The following EPG5 variants were observed in gnomAD, a reference collection of about 807,000 sequenced individuals.
The protein encoded by EPG5 is ectopic P-granules 5 autophagy tethering factor, also known as ectopic P granules protein 5 homolog.
A neutral mutation model predicts 302.7 loss-of-function variants in EPG5; 159 were observed. The observed-to-expected ratio is 0.53, with a 90% CI of 0.46 to 0.60. EPG5 has a LOEUF of 0.60. Among genes scored for constraint, EPG5 ranks in the 20% least tolerant of loss-of-function variants. The pLI, the probability that EPG5 is intolerant of heterozygous loss-of-function variation, is 0.00. For synonymous variants in EPG5, 1,158 were observed against 1,136.8 expected (o/e 1.02, Z -0.37); for missense variants, 2,896 against 3,092.4 (o/e 0.94, Z 1.51).
intron 17 of EPG5, among the ~76,000 whole-genome samples, chr18:45,917,469 A>G (rs1457328859): frequency 6.6e-6 from 1 of 152,254 alleles, no homozygotes; most frequent in Non-Finnish European, 1.5e-5. Flanking sequence ...TGAAAAGGAA[A>G]AATATCTTTC....
chr18:45,820,535 C>T, the EPG5 span, among the ~76,000 whole-genome samples: 1 of 152,114 alleles, frequency 6.6e-6, no homozygotes, highest in Non-Finnish European at 1.5e-5. Flanking sequence ...AGCCTGGATC[C>T]CTGCACCCTC....
At chr18:45,814,876 A>T in the EPG5 span, among the ~76,000 whole-genome samples, 2 of 152,220 alleles carry the variant, frequency 1.3e-5, no homozygotes, top group Non-Finnish European at 2.9e-5. Context: ...ACAAGCCAAT[A>T]TACACCCCCA....
At chr18:45,852,753 T>C in intron 43 of EPG5, 104 bp from the exon 44 acceptor site, 3 of 1,046,830 alleles carry the variant, frequency 2.9e-6, no homozygotes, top group Non-Finnish European at 4.2e-6. Context: ...ACTGTGAGCC[T>C]TGTGGGAAGG....
intron 10 of EPG5, among the ~76,000 whole-genome samples, chr18:45,935,950 A>G (rs1283586472): frequency 6.6e-6 from 1 of 152,078 alleles, no homozygotes; most frequent in Non-Finnish European, 1.5e-5. Context: ...CCTCTGCACT[A>G]TTACAGAACT....
chr18:45,801,095 G>A, the EPG5 span, among the ~76,000 whole-genome samples: 1 of 152,128 alleles, frequency 6.6e-6, no homozygotes, highest in South Asian at 2.1e-4. Context: ...GGAGTGCAGT[G>A]GTACGATCTC....
the EPG5 span, among the ~76,000 whole-genome samples, chr18:45,831,539 A>C: frequency 6.6e-6 from 1 of 152,340 alleles, no homozygotes; most frequent in East Asian, 1.9e-4. Flanking sequence ...GGAGGCTATT[A>C]ATTGCCACTG....
the EPG5 span, among the ~76,000 whole-genome samples, chr18:45,806,530 G>A: frequency 1.3e-5 from 2 of 152,258 alleles, no homozygotes; most frequent in African/African-American, 2.4e-5. Context: ...AACTGTACAA[G>A]TGGGAAAGGG....
chr18:45,959,795 C>T (rs1037815118), intron 1 of EPG5, among the ~76,000 whole-genome samples: 1 of 152,006 alleles, frequency 6.6e-6, no homozygotes, highest in African/African-American at 2.4e-5. Context: ...GCCTGACCAA[C>T]ATGGTGAAGC....
chr18:45,847,964 A>T lies in EPG5; in HGVS notation c.*4503T>A, dbSNP rs193225532. 6.6e-6 allele frequency: 1 copy of T among 152,174 alleles called. No individual in the cohort carries two copies. The highest frequency in any genetic ancestry group is 2.4e-5 in the African/African-American group (1 of 41,198). The allele number at this position is 152,174 out of a possible 1,614,324, so 9.4% of individuals were successfully genotyped here. Reference sequence around the variant, plus strand: ...AACAACATTCCTTCGCAATTTCATTATCCCAAAAGAGGATCAGTAGTATAA... The same window carrying T: ...AACAACATTCCTTCGCAATTTCATTTTCCCAAAAGAGGATCAGTAGTATAA... On this transcript the variant is annotated 3_prime_UTR_variant, in exon 44 of 44. Transcript: ENST00000282041.
intron 1 of EPG5, among the ~76,000 whole-genome samples, chr18:45,962,861 TA>T (rs575682830): frequency 3.3e-5 from 5 of 151,978 alleles, no homozygotes; most frequent in African/African-American, 9.7e-5. Context: ...CAATTGACTC[TA>T]AAAAAAATTA....
rs963727204 is a variant in EPG5 at position 45,907,938 on chromosome 18, A to C, written c.4329+20T>G. On this transcript the variant is annotated intron_variant, in intron 24 of 43. Coordinates refer to ENST00000282041, the MANE Select transcript of EPG5 (RefSeq NM_020964.3). ...GATATGCTAAAAAAAAAAAAAAAAA[A>C]AGGAGGGCTATAATTTCACCTGCTG... 8 of 1,535,590 alleles carry C rather than the reference A, an allele frequency of 5.2e-6. No individual in the cohort carries two copies. The highest frequency in any genetic ancestry group is 2.3e-5 in the Admixed American group (1 of 43,120).
chr18:45,837,093 G>C, the EPG5 span: 1 of 1,613,078 alleles, frequency 6.2e-7, no homozygotes, highest in Non-Finnish European at 8.5e-7. Flanking sequence ...TGCACAGTAA[G>C]TGCTTTTATT....
the EPG5 span, chr18:45,825,473 C>T: frequency 1.8e-6 from 1 of 557,978 alleles, no homozygotes; most frequent in Non-Finnish European, 3.2e-6. Flanking sequence ...TGTTTCCTGT[C>T]CTGGAAAATC....
chr18:45,930,516 T>C (rs2050375202), intron 12 of EPG5, among the ~76,000 whole-genome samples, 160 bp downstream of exon 12: 1 of 152,236 alleles, frequency 6.6e-6, no homozygotes, highest in Non-Finnish European at 1.5e-5. Context: ...CAATAATCCC[T>C]GTAGCAAAAT....
At chr18:45,811,104 C>G in the EPG5 span, among the ~76,000 whole-genome samples, 1 of 152,104 alleles carries the variant, frequency 6.6e-6, no homozygotes, top group Non-Finnish European at 1.5e-5. Context: ...AGAACTGAAA[C>G]AAGATAAGGA....
chr18:45,935,626 A>G (rs2050506541), intron 10 of EPG5, among the ~76,000 whole-genome samples: 1 of 151,998 alleles, frequency 6.6e-6, no homozygotes, highest in Non-Finnish European at 1.5e-5. Context: ...AGGCACACAC[A>G]GTAGTGGGTG....
intron 30 of EPG5, among the ~76,000 whole-genome samples, chr18:45,882,883 T>G (rs1220727284): frequency 6.6e-6 from 1 of 151,916 alleles, no homozygotes; most frequent in African/African-American, 2.4e-5. Flanking sequence ...GGCATATGCC[T>G]GTAATCCCGG....
the EPG5 span, among the ~76,000 whole-genome samples, chr18:45,825,229 A>G: frequency 7.7e-6 from 1 of 130,328 alleles, no homozygotes; most frequent in African/African-American, 2.9e-5. Flanking sequence ...GGAGAGAGGG[A>G]GGGAGGAATA....
chr18:45,868,317 T>C (rs1358732225), intron 36 of EPG5, among the ~76,000 whole-genome samples: 1 of 151,772 alleles, frequency 6.6e-6, no homozygotes, highest in Non-Finnish European at 1.5e-5. Flanking sequence ...GTATATTATT[T>C]ATATTGCCTT....
Sources: allele counts gnomAD v4.1 joint callset (sites outside exome capture counted in the v4.1 genomes callset), GRCh38; gene constraint gnomAD v4.1.1; transcripts MANE v1.5; gene names NCBI Gene and HGNC (gene_info 2026-07-23, HGNC 2026-07-21).